Variants in SP140L observed in about 807,000 individuals in gnomAD.
SP140L encodes SP140 like nuclear body protein, also known as nuclear body protein SP140-like protein.
Under a neutral mutation model 84.3 loss-of-function variants are expected in SP140L, and 64 were observed. The observed-to-expected ratio is 0.76, with a 90% CI of 0.62 to 0.94. The LOEUF is 0.94. Ranked by LOEUF, SP140L falls within the 40% of genes least tolerant of loss-of-function variation. The probability of loss-of-function intolerance (pLI) is 0.00; values close to 1 mark genes in which losing one functional copy is unlikely to be tolerated. For synonymous variants in SP140L, 242 were observed against 236.9 expected (o/e 1.02, Z -0.20); for missense variants, 628 against 692.5 (o/e 0.91, Z 1.05).
chr2:230,388,197 T>C (rs1478758422), intron 9 of SP140L, among the ~76,000 whole-genome samples: 1 of 152,210 alleles, frequency 6.6e-6, no homozygotes, highest in African/African-American at 2.4e-5. Context: ...GTTTAACATA[T>C]ATTATATGCC....
chr2:230,374,315 C>CA (rs35573735), intron 7 of SP140L, among the ~76,000 whole-genome samples: 29,799 of 120,962 alleles, frequency 0.25, 3,410 homozygotes, highest in South Asian at 0.46. Context: ...GACTCCATCT[C>CA]AAAAAAAAAA....
At chr2:230,380,365 G>C (rs908995623) in intron 7 of SP140L, among the ~76,000 whole-genome samples, 3 of 152,108 alleles carry the variant, frequency 2.0e-5, no homozygotes, top group Non-Finnish European at 4.4e-5. Flanking sequence ...GACAAACCAT[G>C]TCACTATCCA....
chr2:230,359,608 A>C (rs1160718214), intron 4 of SP140L, among the ~76,000 whole-genome samples: 1 of 152,206 alleles, frequency 6.6e-6, no homozygotes, highest in East Asian at 1.9e-4. Context: ...AGGGTGCCAC[A>C]GGGACAATCT....
At position 230,385,216 on chromosome 2, in the gene SP140L, AT is replaced by A. The variant is rs1559450500; in HGVS notation, c.704-7del. On this transcript the variant is annotated splice_polypyrimidine_tract_variant and splice_region_variant and intron_variant, in intron 8 of 18. Transcript: ENST00000415673. ...TCTATTAATACATTTTCCCTTGCCTATCCCCAGATAACAGCAAAGCCGATGG... is the reference window on the plus strand; with the variant it reads ...TCTATTAATACATTTTCCCTTGCCTACCCCAGATAACAGCAAAGCCGATGG... The A allele has an allele frequency of 6.2e-7, 1 of 1,613,298 alleles. No individual in the cohort carries two copies. Among genetic ancestry groups the A allele is most frequent in the Admixed American group, 1.7e-5 (1 of 59,944 alleles).
intron 2 of SP140L, among the ~76,000 whole-genome samples, chr2:230,336,340 T>G (rs1341584740): frequency 6.6e-6 from 1 of 152,202 alleles, no homozygotes; most frequent in Non-Finnish European, 1.5e-5. Context: ...TGTCTTTATT[T>G]TTGCAGCCTG....
At chr2:230,336,314 T>G (rs1011007422) in intron 2 of SP140L, among the ~76,000 whole-genome samples, 11 of 152,196 alleles carry the variant, frequency 7.2e-5, no homozygotes, top group Admixed American at 2.0e-4. Context: ...CTGTGCCTAA[T>G]CTAGAACGTC....
chr2:230,349,087 T>A (rs2060290688), intron 2 of SP140L, among the ~76,000 whole-genome samples: 1 of 152,256 alleles, frequency 6.6e-6, no homozygotes, highest in African/African-American at 2.4e-5. Flanking sequence ...TACATTTGTA[T>A]TTTTGTGTGT....
Position 230,370,935 on chromosome 2 carries a change from G to T in SP140L, c.551G>T (p.Arg184Met). 6.2e-7 allele frequency: 1 copy of T among 1,613,820 alleles called. No homozygotes were observed. The highest frequency in any genetic ancestry group is 8.5e-7 in the Non-Finnish European group (1 of 1,179,830). ...QGEVPESPEA[R>M]KESDQACGKM... The stretch of plus-strand genomic sequence containing the variant: ...GAAGTGCCAGAAAGCCCGGAAGCAA[G>T]GAAGGAAAGTGACCAAGCATGTGGC... The change falls in exon 6 of 19, where the codon AGG becomes ATG. Residue 184 changes from arginine to methionine, a missense_variant. Physicochemically the swap from Arg to Met is moderately conservative, Grantham distance 91. Around this residue, in one of 4 missense-constraint regions of SP140L, gnomAD observed 525 missense variants for 518.4 expected, o/e 1.01. Transcript: ENST00000415673.
chr2:230,334,162 A>G (rs1575427057), intron 2 of SP140L, among the ~76,000 whole-genome samples: 1 of 152,180 alleles, frequency 6.6e-6, no homozygotes. Context: ...TTTGATTTTC[A>G]TCTTCCAATT....
intron 2 of SP140L, among the ~76,000 whole-genome samples, chr2:230,350,530 T>C (rs914336737): frequency 6.6e-6 from 1 of 152,202 alleles, no homozygotes; most frequent in Admixed American, 6.5e-5. Context: ...AGTCAACAAA[T>C]ACTTATTGAA....
rs1054560156 is a variant in SP140L, at chr2:230,400,301, G to T, written c.1313+59G>T. Reference sequence around the variant, plus strand: ...TTAAGGGACCTTCCACCTGCCATGCGCACTCTCCAGCAGAATGTCTGCTTG... The same window carrying T: ...TTAAGGGACCTTCCACCTGCCATGCTCACTCTCCAGCAGAATGTCTGCTTG... On this transcript the variant is annotated intron_variant, in intron 15 of 18. Transcript: ENST00000415673. 3.3e-6 allele frequency: 5 copies of T among 1,510,454 alleles called. No individual in the cohort carries two copies. The Admixed American group carries it at 6.9e-5, about 21-fold the overall frequency. The allele number at this position is 1,510,454 out of a possible 1,614,324, so 93.6% of individuals were successfully genotyped here.
At chr2:230,339,517 T>C (rs2059974470) in intron 2 of SP140L, among the ~76,000 whole-genome samples, 2 of 150,958 alleles carry the variant, frequency 1.3e-5, no homozygotes, top group African/African-American at 4.9e-5. Flanking sequence ...CTGATTTTAG[T>C]TATTTCTTGC....
intron 3 of SP140L, among the ~76,000 whole-genome samples, chr2:230,358,476 T>A: frequency 6.6e-6 from 1 of 152,186 alleles, no homozygotes; most frequent in Non-Finnish European, 1.5e-5. Context: ...ATAGGCCCTG[T>A]TGGAGATACA....
chr2:230,369,331 T>C (rs1017939660), intron 5 of SP140L, among the ~76,000 whole-genome samples: 2 of 152,000 alleles, frequency 1.3e-5, no homozygotes, highest in African/African-American at 2.4e-5. Context: ...GGGATGAGAC[T>C]GAAGGCCAGA....
intron 5 of SP140L, among the ~76,000 whole-genome samples, chr2:230,370,000 C>T (rs2061007844): frequency 4.1e-5 from 6 of 147,934 alleles, no homozygotes; most frequent in African/African-American, 1.6e-4. Flanking sequence ...TCTTGAATTC[C>T]TGACTTAGTG....
At chr2:230,369,274 C>T (rs1398083738) in intron 5 of SP140L, among the ~76,000 whole-genome samples, 2 of 152,118 alleles carry the variant, frequency 1.3e-5, no homozygotes, top group Non-Finnish European at 2.9e-5. Context: ...CATCTTCAGG[C>T]ACTTCAGTGA....
Position 230,402,832 on chromosome 2 carries a change from A to G in SP140L, c.1679A>G (p.Glu560Gly). The G allele has an allele frequency of 6.2e-7, 1 of 1,612,790 alleles. No homozygotes were observed. Among genetic ancestry groups the G allele is most frequent in the Non-Finnish European group, 8.5e-7 (1 of 1,179,688 alleles). Residue 560 changes from glutamate (E) to glycine (G), a missense_variant, in exon 19 of 19, where the codon GAG (glutamate) becomes GGG (glycine). Transcript: ENST00000415673. ...TTTGGCCAAATGGGACTTAGACTGG[A>G]GGCTGAATTTGAGAAGGATTTCAAG... ...KDFGQMGLRL[E>G]AEFEKDFKEV... is the part of the protein sequence containing the mutation.
At chr2:230,332,294 A>G (rs2059746390) in intron 2 of SP140L, among the ~76,000 whole-genome samples, 1 of 152,376 alleles carries the variant, frequency 6.6e-6, no homozygotes, top group South Asian at 2.1e-4. Context: ...ACAAGACCTT[A>G]AAATACAAAA....
intron 1 of SP140L, among the ~76,000 whole-genome samples, chr2:230,327,807 T>C (rs1030015812): frequency 6.6e-6 from 1 of 152,204 alleles, no homozygotes; most frequent in Non-Finnish European, 1.5e-5. Flanking sequence ...GTTTCACCTG[T>C]CTTGGCAAGG....
Sources: allele counts gnomAD v4.1 joint callset (sites outside exome capture counted in the v4.1 genomes callset), GRCh38; gene constraint gnomAD v4.1.1; regional missense constraint gnomAD v4.1.1; transcripts MANE v1.5; gene names NCBI Gene and HGNC (gene_info 2026-07-23, HGNC 2026-07-21).